The following ZNF608 variants were observed in gnomAD, a reference collection of about 807,000 sequenced individuals.
ZNF608 encodes renal carcinoma antigen NY-REN-36.
In ZNF608, 12 loss-of-function variants were observed where a neutral mutation model predicts 109.0. The observed-to-expected ratio is 0.11, with a 90% CI of 0.07 to 0.18. The LOEUF (loss-of-function observed/expected upper bound fraction) is 0.18, where lower values mean the gene tolerates loss of function less well. Ranked by LOEUF, ZNF608 falls within the 10% of genes least tolerant of loss-of-function variation. ZNF608 has a pLI of 1.00. For missense variants in ZNF608, 1,707 were observed against 1,879.3 expected, an observed-to-expected ratio of 0.91 and a Z score of 1.70; for synonymous variants, 732 against 717.4, an observed-to-expected ratio of 1.02 and a Z score of -0.33.
At chr5:124,745,317 G>C (rs967213534) in intron 1 of ZNF608, 145 bp from the exon 2 acceptor site, 3 of 589,070 alleles carry the variant, frequency 5.1e-6, no homozygotes, top group Non-Finnish European at 4.5e-6. Flanking sequence ...TCCAATATCA[G>C]GTTTAAAGGA....
upstream of ZNF608, chr5:124,748,614 T>C: frequency 1.0e-6 from 1 of 972,288 alleles, no homozygotes; most frequent in Non-Finnish European, 1.2e-6. Flanking sequence ...TTGGAAATTA[T>C]AATCTCTTCA....
intron 3 of ZNF608, among the ~76,000 whole-genome samples, chr5:124,676,795 A>G (rs1386743147): frequency 6.6e-6 from 1 of 152,260 alleles, no homozygotes; most frequent in Non-Finnish European, 1.5e-5. Flanking sequence ...CAAGTTGGAA[A>G]AATATACCAT....
intron 3 of ZNF608, among the ~76,000 whole-genome samples, chr5:124,656,387 T>C (rs937618563): frequency 1.3e-5 from 2 of 152,222 alleles, no homozygotes; most frequent in Non-Finnish European, 2.9e-5. Flanking sequence ...TGTCAGCGGC[T>C]GGAATATGTT....
intron 3 of ZNF608, among the ~76,000 whole-genome samples, chr5:124,662,778 G>C (rs573380525): frequency 1.3e-5 from 2 of 152,190 alleles, no homozygotes; most frequent in African/African-American, 4.8e-5. Flanking sequence ...CTCCCAGGTT[G>C]CCTTGTAATT....
At chr5:124,703,260 C>G (rs1753127844) in intron 2 of ZNF608, among the ~76,000 whole-genome samples, 2 of 152,198 alleles carry the variant, frequency 1.3e-5, no homozygotes, top group East Asian at 3.9e-4. Flanking sequence ...ACAAACGTAG[C>G]TTGAATAGGA....
chr5:124,713,316 C>A (rs1426210936), intron 2 of ZNF608, among the ~76,000 whole-genome samples: 1 of 152,156 alleles, frequency 6.6e-6, no homozygotes, highest in African/African-American at 2.4e-5. Flanking sequence ...TTTCTCAGTC[C>A]ACAGTCTAGT....
rs537250282 is a variant in ZNF608 at position 124,662,531 on chromosome 5, C to T, written c.1163-12834G>A. 2.4e-4 allele frequency among the ~76,000 whole-genome samples: 37 copies of T among 152,356 alleles called. No homozygotes were observed. In the South Asian group the frequency reaches 2.9e-3, roughly 12 times the overall value. Reference sequence around the variant, plus strand: ...TAGGCCCAAGTCAACCTCCAAGACTCCTATTGTTCGCATTATTCTCTTATT... The same window carrying T: ...TAGGCCCAAGTCAACCTCCAAGACTTCTATTGTTCGCATTATTCTCTTATT... On this transcript the variant is annotated intron_variant, in intron 3 of 9. Transcript: ENST00000513986.
intron 3 of ZNF608, chr5:124,666,169 A>C (rs544014325): frequency 9.2e-5 from 14 of 152,386 alleles, no homozygotes; most frequent in Admixed American, 3.3e-4. Flanking sequence ...CATAGTTTTC[A>C]ATCTGCATGT....
In ZNF608 at chr5:124,648,695, C is replaced by T. The variant is rs753125519; in HGVS notation, c.1689G>A (p.Lys563=). The part of the protein sequence containing the change: ...IDCPHPNCNK[K]YKHINGLRYH... ...ACCTCAGGCCGTTAATGTGCTTGTA[C>T]TTTTTGTTGCAGTTTGGGTGGGGAC... Residue 563 remains lysine (K), a synonymous_variant, in exon 5 of 10, where the codon AAG becomes AAA. Coordinates refer to ENST00000513986, the MANE Select transcript of ZNF608 (RefSeq NM_020747.3). 1.2e-6 allele frequency: 2 copies of T among 1,614,190 alleles called. No individual in the cohort carries two copies. The highest frequency in any genetic ancestry group is 1.3e-5 in the African/African-American group (1 of 75,038).
chr5:124,723,955 C>A (rs1394202593), intron 2 of ZNF608, among the ~76,000 whole-genome samples: 2 of 151,718 alleles, frequency 1.3e-5, no homozygotes, highest in Non-Finnish European at 2.9e-5. Flanking sequence ...GGCTTGTACC[C>A]ATGAAAAATG....
chr5:124,688,717 T>C (rs185458953), intron 3 of ZNF608, among the ~76,000 whole-genome samples: 58 of 152,358 alleles, frequency 3.8e-4, no homozygotes, highest in African/African-American at 1.4e-3. Flanking sequence ...ATCCTATTTA[T>C]ATTTATCTAA....
intron 2 of ZNF608, among the ~76,000 whole-genome samples, chr5:124,711,297 G>A (rs1249841614): frequency 2.6e-5 from 4 of 152,166 alleles, no homozygotes; most frequent in African/African-American, 9.7e-5. Context: ...TATACATATA[G>A]AAACATACAG....
chr5:124,741,486 C>A, intron 2 of ZNF608, among the ~76,000 whole-genome samples: 1 of 150,928 alleles, frequency 6.6e-6, no homozygotes, highest in East Asian at 1.9e-4. Flanking sequence ...CATCTGATTG[C>A]TGAAAATTAA....
At chr5:124,678,998 T>C (rs1251013434) in intron 3 of ZNF608, among the ~76,000 whole-genome samples, 1 of 152,124 alleles carries the variant, frequency 6.6e-6, no homozygotes, top group African/African-American at 2.4e-5. Context: ...AAGAAAACAA[T>C]TCCACTGTGA....
At chr5:124,650,512 C>T (rs190945308) in intron 3 of ZNF608, among the ~76,000 whole-genome samples, 4 of 152,310 alleles carry the variant, frequency 2.6e-5, no homozygotes. Flanking sequence ...CTGCTTTTTC[C>T]AACTGCTTTT....
intron 3 of ZNF608, among the ~76,000 whole-genome samples, chr5:124,697,633 C>T (rs1752903119): frequency 6.6e-6 from 1 of 152,194 alleles, no homozygotes; most frequent in South Asian, 2.1e-4. Context: ...TCACTAGTAA[C>T]ACTTTATTCC....
intron 2 of ZNF608, among the ~76,000 whole-genome samples, chr5:124,702,603 C>A (rs539602159): frequency 7.2e-5 from 11 of 151,980 alleles, no homozygotes; most frequent in African/African-American, 2.7e-4. Flanking sequence ...TCTGTGTGGG[C>A]TCCTTGTTCA....
chr5:124,689,986 G>T (rs1752549249), intron 3 of ZNF608, among the ~76,000 whole-genome samples: 1 of 152,138 alleles, frequency 6.6e-6, no homozygotes, highest in African/African-American at 2.4e-5. Context: ...TGTCTTTCAG[G>T]AGTGAATGGA....
At position 124,647,329 on chromosome 5, in the gene ZNF608, C is replaced by T. The variant is rs748400137; in HGVS notation, c.3055G>A (p.Ala1019Thr). 5.5e-5 allele frequency: 88 copies of T among 1,614,078 alleles called. No homozygotes were observed. Among genetic ancestry groups the T allele is most frequent in the Non-Finnish European group, 7.2e-5 (85 of 1,180,044 alleles). ...MHPGQVGAPA[A>T]GNSGSTQGMK... The stretch of plus-strand genomic sequence containing the variant: ...CCCTGCGTGCTCCCACTATTTCCAG[C>T]TGCAGGGGCACCGACCTGCCCAGGG... The change falls in exon 5 of 10, where the codon GCT (alanine) becomes ACT (threonine). Residue 1019 changes from alanine (A) to threonine (T), a missense_variant. Coordinates refer to ENST00000513986, the MANE Select transcript of ZNF608 (RefSeq NM_020747.3).
Sources: allele counts gnomAD v4.1 joint callset (sites outside exome capture counted in the v4.1 genomes callset), GRCh38; gene constraint gnomAD v4.1.1; transcripts MANE v1.5; gene names NCBI Gene and HGNC (gene_info 2026-07-23, HGNC 2026-07-21).